Variants in FREM3 observed in about 807,000 individuals in gnomAD.
FREM3 encodes FRAS1-related extracellular matrix protein 3.
Under a neutral mutation model 129.1 loss-of-function variants are expected in FREM3, and 105 were observed. That is an observed-to-expected ratio of 0.81 (90% CI 0.69 to 0.96). FREM3 has a LOEUF of 0.96. Ranked by LOEUF, FREM3 falls within the 40% of genes least tolerant of loss-of-function variation. The pLI is 0.00. For synonymous variants in FREM3, 1,014 were observed against 1,044.9 expected, an observed-to-expected ratio of 0.97 and a Z score of 0.57; for missense variants, 2,593 against 2,666.3, an observed-to-expected ratio of 0.97 and a Z score of 0.61.
chr4:143,674,227 G>A (rs1472011465), intron 2 of FREM3, among the ~76,000 whole-genome samples: 3 of 152,126 alleles, frequency 2.0e-5, no homozygotes, highest in South Asian at 4.1e-4. Flanking sequence ...AGAGAGTGGG[G>A]GCCAATATTC....
chr4:143,577,919 ATG>A, intron 7 of FREM3, 67 bp from the exon 8 acceptor site: 2 of 1,466,140 alleles, frequency 1.4e-6, no homozygotes, highest in Non-Finnish European at 1.8e-6. Flanking sequence ...TCAGAGAAAA[ATG>A]AGAGCTCTCA....
chr4:143,578,314 C>G (rs917089070), intron 7 of FREM3, among the ~76,000 whole-genome samples: 4 of 152,272 alleles, frequency 2.6e-5, no homozygotes, highest in East Asian at 3.9e-4. Context: ...CCATGAAGTT[C>G]TGCCATTCTC....
At chr4:143,690,704 T>C (rs1044115145) in intron 2 of FREM3, among the ~76,000 whole-genome samples, 2 of 152,186 alleles carry the variant, frequency 1.3e-5, no homozygotes, top group Admixed American at 1.3e-4. Context: ...GAAAAAAGAT[T>C]AAGTCAGCCA....
rs555958156 is a variant in FREM3 at position 143,611,270 on chromosome 4, T to G, written c.6028+9A>C. 3.0e-5 allele frequency: 46 copies of G among 1,530,998 alleles called. No homozygotes were observed. In the East Asian group the frequency reaches 1.1e-3, roughly 37 times the overall value. 94.8% of individuals were successfully genotyped at this position (1,530,998 alleles called of 1,614,324 possible). ...TTGCCAAAGGTTGGAAAGCAACAAA[T>G]GGACTTACCATCATAACGATCAGCC... On this transcript the variant is annotated intron_variant, in intron 6 of 7. Coordinates refer to ENST00000329798, the MANE Select transcript of FREM3 (RefSeq NM_001168235.2).
chr4:143,675,203 G>C (rs1185299308), intron 2 of FREM3, among the ~76,000 whole-genome samples: 1 of 152,138 alleles, frequency 6.6e-6, no homozygotes, highest in Non-Finnish European at 1.5e-5. Flanking sequence ...TCAGACCACA[G>C]TGCAATCAAA....
At chr4:143,598,822 C>T (rs1234379825) in intron 6 of FREM3, among the ~76,000 whole-genome samples, 1 of 152,170 alleles carries the variant, frequency 6.6e-6, no homozygotes, top group Non-Finnish European at 1.5e-5. Context: ...CAGTAACATG[C>T]TGTACAGATG....
At chr4:143,646,521 G>A (rs1029500950) in intron 2 of FREM3, among the ~76,000 whole-genome samples, 5 of 152,138 alleles carry the variant, frequency 3.3e-5, no homozygotes, top group Non-Finnish European at 7.3e-5. Flanking sequence ...CTGGTCTTGT[G>A]ATAATGAATG....
At chr4:143,659,925 GGTT>G (rs1249132893) in intron 2 of FREM3, among the ~76,000 whole-genome samples, 4 of 151,390 alleles carry the variant, frequency 2.6e-5, no homozygotes, top group Non-Finnish European at 5.9e-5. Context: ...TTTTTGATGG[GGTT>G]GTTTGTTTTT....
At position 143,585,847 on chromosome 4, in the gene FREM3, C is replaced by T. The variant is rs1363488816; in HGVS notation, c.6175G>A (p.Glu2059Lys). The change falls in exon 7 of 8, where the codon GAA (glutamate) becomes AAA (lysine). Residue 2059 changes from glutamate to lysine, a missense_variant. Around this residue, in one of 2 missense-constraint regions of FREM3, gnomAD observed 317 missense variants for 399.0 expected, o/e 0.79. Coordinates refer to ENST00000329798, the MANE Select transcript of FREM3 (RefSeq NM_001168235.2). This position sits in a 1 kb window ranked among gnomAD's most constrained non-coding sequence, Gnocchi z 4.2. Reference sequence around the variant, plus strand: ...ATTCTTTAAGTGGCCCTCTCACCTTCTGCTGACTCCTGCTCTGACTTTCTG... The same window carrying T: ...ATTCTTTAAGTGGCCCTCTCACCTTTTGCTGACTCCTGCTCTGACTTTCTG... ...RSRKSEQESA[E>K]AGTDYVGISR... 1 of 1,537,212 alleles carries T rather than the reference C, an allele frequency of 6.5e-7. No homozygotes were observed. Among genetic ancestry groups the T allele is most frequent in the East Asian group, 2.4e-5 (1 of 40,922 alleles).
chr4:143,660,298 A>G (rs1739686647), intron 2 of FREM3, among the ~76,000 whole-genome samples: 1 of 152,130 alleles, frequency 6.6e-6, no homozygotes, highest in African/African-American at 2.4e-5. Flanking sequence ...AGCTTTCTAC[A>G]TATGGCTAGC....
At chr4:143,682,306 A>T (rs1740267050) in intron 2 of FREM3, among the ~76,000 whole-genome samples, 1 of 152,196 alleles carries the variant, frequency 6.6e-6, no homozygotes, top group Non-Finnish European at 1.5e-5. Context: ...TCTGCCCAGC[A>T]GACAGGAGAT....
chr4:143,698,098 C>T lies in FREM3; in HGVS notation c.2578G>A (p.Asp860Asn), dbSNP rs1398072766. ...NELHVTDPDT[D>N]IDQIVFILVR... ...AATATGAAGACAATTTGGTCAATGT[C>T]TGTGTCTGGGTCTGTAACATGCAGC... The change falls in exon 1 of 8, where the codon GAC becomes AAC. Residue 860 changes from aspartate (D) to asparagine (N), a missense_variant. By Grantham distance (23) the Asp-to-Asn change is conservative (BLOSUM62 1). This residue lies in a region of FREM3 where 2,276 missense variants were observed against 2,267.2 expected (regional missense o/e 1.00). Transcript: ENST00000329798. 6.5e-7 allele frequency: 1 copy of T among 1,537,442 alleles called. No homozygotes were observed. The highest frequency in any genetic ancestry group is 8.7e-7 in the Non-Finnish European group (1 of 1,146,956).
chr4:143,652,845 T>C (rs1182804054), intron 2 of FREM3, among the ~76,000 whole-genome samples: 1 of 152,134 alleles, frequency 6.6e-6, no homozygotes, highest in African/African-American at 2.4e-5. Flanking sequence ...GCCAGGCTAG[T>C]CTTGAACTCC....
At chr4:143,692,773 A>G (rs1740496423) in intron 2 of FREM3, among the ~76,000 whole-genome samples, 1 of 152,196 alleles carries the variant, frequency 6.6e-6, no homozygotes, top group Non-Finnish European at 1.5e-5. Context: ...TTGTTTCAGA[A>G]TGATAGAAAC....
At chr4:143,615,668 T>C (rs557364783) in intron 5 of FREM3, among the ~76,000 whole-genome samples, 6 of 149,636 alleles carry the variant, frequency 4.0e-5, no homozygotes, top group South Asian at 2.1e-4. Context: ...TCTGTTCTCA[T>C]AGGGAATATC....
intron 1 of FREM3, among the ~76,000 whole-genome samples, chr4:143,693,466 T>G (rs1388153301): frequency 1.3e-5 from 2 of 152,164 alleles, no homozygotes; most frequent in Admixed American, 6.5e-5. Flanking sequence ...TGGGTGAGAT[T>G]GTAGAGAAAA....
In FREM3 at chr4:143,628,443, C is replaced by A. The variant is rs577231035; in HGVS notation, c.5276-683G>T. Among the ~76,000 whole-genome samples, 4 of 152,150 alleles carry A rather than the reference C, an allele frequency of 2.6e-5. No individual in the cohort carries two copies. In the East Asian group the frequency reaches 7.8e-4, roughly 30 times the overall value. ...TGTATTGGTAGCAAGAGAAGGTCTC[C>A]CTAATCTGGGGAGTGGTTGCTACAA... On this transcript the variant is annotated intron_variant, in intron 2 of 7. Coordinates refer to ENST00000329798, the MANE Select transcript of FREM3 (RefSeq NM_001168235.2).
intron 6 of FREM3, among the ~76,000 whole-genome samples, chr4:143,595,761 T>G (rs549139247): frequency 1.3e-3 from 198 of 151,958 alleles, no homozygotes; most frequent in South Asian, 4.6e-3. Flanking sequence ...GGTGGCAGGC[T>G]CCTGTAGTCC....
At chr4:143,655,498 T>C (rs111968197) in intron 2 of FREM3, among the ~76,000 whole-genome samples, 1 of 152,342 alleles carries the variant, frequency 6.6e-6, no homozygotes, top group Admixed American at 6.5e-5. Flanking sequence ...TACCCTCTCA[T>C]GAATCTCTTC....
Sources: allele counts gnomAD v4.1 joint callset (sites outside exome capture counted in the v4.1 genomes callset), GRCh38; gene constraint gnomAD v4.1.1; regional missense constraint gnomAD v4.1.1; non-coding constraint Gnocchi (gnomAD v3.1); transcripts MANE v1.5; gene names NCBI Gene and HGNC (gene_info 2026-07-23, HGNC 2026-07-21).